Variants in CEP135 observed in about 807,000 individuals in gnomAD.
CEP135 encodes the protein centrosomal protein of 135 kDa.
Under a neutral mutation model 157.3 loss-of-function variants are expected in CEP135, and 142 were observed. That is an observed-to-expected ratio of 0.90 (90% confidence interval 0.79 to 1.04). The LOEUF (loss-of-function observed/expected upper bound fraction) is 1.04. Among genes scored for constraint, CEP135 ranks in the 50% least tolerant of loss-of-function variants. The probability of loss-of-function intolerance (pLI) is 0.00; values close to 1 mark genes in which losing one functional copy is unlikely to be tolerated. For synonymous variants in CEP135, 396 were observed against 439.8 expected (o/e 0.90, Z 1.25); for missense variants, 1,317 against 1,309.2 (o/e 1.01, Z -0.09).
intron 15 of CEP135, among the ~76,000 whole-genome samples, chr4:55,997,140 A>C (rs1231223610): frequency 1.3e-5 from 2 of 152,250 alleles, no homozygotes; most frequent in East Asian, 1.9e-4. Context: ...ATTATGAACA[A>C]CTAATAATGG....
intron 25 of CEP135, 71 bp downstream of exon 25, chr4:56,024,685 A>C: frequency 9.4e-7 from 1 of 1,067,948 alleles, no homozygotes; most frequent in Non-Finnish European, 1.4e-6. Flanking sequence ...AGTTTTCTGC[A>C]TCAGGAAAGG....
chr4:56,007,810 A>C (rs1730408124), intron 17 of CEP135, among the ~76,000 whole-genome samples: 1 of 152,070 alleles, frequency 6.6e-6, no homozygotes, highest in Non-Finnish European at 1.5e-5. Context: ...GAGGTTTTTT[A>C]CGTCTCTGTG....
intron 14 of CEP135, among the ~76,000 whole-genome samples, chr4:55,986,561 T>A (rs1413166606): frequency 6.6e-6 from 1 of 151,952 alleles, no homozygotes; most frequent in Non-Finnish European, 1.5e-5. Context: ...AAAAAAAAAA[T>A]TATACAGAGG....
intron 18 of CEP135, among the ~76,000 whole-genome samples, chr4:56,009,499 G>A (rs900069465): frequency 6.6e-6 from 1 of 152,056 alleles, no homozygotes; most frequent in Non-Finnish European, 1.5e-5. Flanking sequence ...AAAGTTTTCT[G>A]TGTTTACTTG....
chr4:55,969,158 A>G, intron 9 of CEP135, 30 bp downstream of exon 9: 2 of 1,599,336 alleles, frequency 1.3e-6, no homozygotes, highest in Non-Finnish European at 1.7e-6. Flanking sequence ...AATTGCCAGC[A>G]TTTTCAGTAA....
In CEP135 at chr4:55,971,287, G is replaced by C. The variant is rs761647013; in HGVS notation, c.1128G>C (p.Gln376His). Residue 376 changes from glutamine to histidine, a missense_variant, in exon 10 of 26, where the codon CAG (glutamine) becomes CAC (histidine). Gln to His is a conservative substitution (Grantham distance 24). Coordinates refer to ENST00000257287, the MANE Select transcript of CEP135 (RefSeq NM_025009.5). ...ATTTGCAGGAATTGAACTTATGCCA[G>C]AAAGAAAAGGAGAGACTGAGTGATG... is the stretch of plus-strand genomic sequence containing the variant. Reference protein sequence around the residue: ...AKLQLELNLCQKEKERLSDEL... With the variant: ...AKLQLELNLCHKEKERLSDEL... The C allele has an allele frequency of 2.5e-6, 4 of 1,582,774 alleles. No homozygotes were observed. In the South Asian group the frequency reaches 4.8e-5, roughly 19 times the overall value.
At position 55,959,650 on chromosome 4, in the gene CEP135, G is replaced by A. The variant is rs200179312; in HGVS notation, c.615-32G>A. The stretch of plus-strand genomic sequence containing the variant: ...TCTTATTTTGTATTTCTTAACAAAA[G>A]TGTATTGGCATTAATTTAAAGTGCT... On this transcript the variant is annotated intron_variant, in intron 5 of 25. Coordinates refer to ENST00000257287, the MANE Select transcript of CEP135 (RefSeq NM_025009.5). The A allele has an allele frequency of 1.6e-5, 24 of 1,541,062 alleles. No homozygotes were observed. In the East Asian group the frequency reaches 4.5e-4, roughly 29 times the overall value.
intron 6 of CEP135, among the ~76,000 whole-genome samples, chr4:55,962,272 T>C (rs555976694): frequency 6.6e-6 from 1 of 152,266 alleles, no homozygotes; most frequent in South Asian, 2.1e-4. Context: ...GCTAATTGTT[T>C]GTATTTTTTA....
Position 55,965,855 on chromosome 4 carries a change from C to T in CEP135, c.1040C>T (p.Ala347Val). ...ACTGCTGATAAAGAGCTTGGGGAAGCAAAGGTAATGAATGATATGTGTAGA... is the reference window on the plus strand; with the variant it reads ...ACTGCTGATAAAGAGCTTGGGGAAGTAAAGGTAATGAATGATATGTGTAGA... ...LETADKELGE[A>V]KKEIKRKLSE... Residue 347 changes from alanine (A) to valine (V), a missense_variant, in exon 8 of 26, where the codon GCA becomes GTA. Transcript: ENST00000257287. 6.2e-7 allele frequency: 1 copy of T among 1,610,360 alleles called. No homozygotes were observed. Among genetic ancestry groups the T allele is most frequent in the Non-Finnish European group, 8.5e-7 (1 of 1,177,246 alleles).
intron 14 of CEP135, among the ~76,000 whole-genome samples, chr4:55,987,029 C>G (rs1299093000): frequency 6.6e-6 from 1 of 152,114 alleles, no homozygotes; most frequent in Admixed American, 6.5e-5. Context: ...GAGGTTTGTT[C>G]TGGGATGCAG....
intron 13 of CEP135, among the ~76,000 whole-genome samples, chr4:55,982,984 G>T (rs906985268): frequency 2.8e-4 from 43 of 152,060 alleles, no homozygotes; most frequent in African/African-American, 1.0e-3. Flanking sequence ...TTAATGCTTT[G>T]AAAGTAGCAG....
chr4:55,970,429 G>A (rs1438282871), intron 9 of CEP135, among the ~76,000 whole-genome samples: 3 of 152,192 alleles, frequency 2.0e-5, no homozygotes, highest in Non-Finnish European at 4.4e-5. Context: ...TTTTCTCTAA[G>A]ATTGGAAATA....
intron 5 of CEP135, 73 bp downstream of exon 5, chr4:55,957,437 G>C: frequency 6.9e-7 from 1 of 1,447,160 alleles, no homozygotes; most frequent in Non-Finnish European, 9.4e-7. Context: ...TGATAGGAGG[G>C]CTTTTTTTCT....
At chr4:55,967,065 T>C (rs1174318414) in intron 8 of CEP135, among the ~76,000 whole-genome samples, 1 of 151,996 alleles carries the variant, frequency 6.6e-6, no homozygotes, top group Non-Finnish European at 1.5e-5. Flanking sequence ...CTATCATACA[T>C]CTGTACAATA....
chr4:55,953,693 A>G (rs185348331), intron 3 of CEP135, among the ~76,000 whole-genome samples: 10 of 152,292 alleles, frequency 6.6e-5, no homozygotes, highest in African/African-American at 2.4e-4. Flanking sequence ...GCCATAGGGA[A>G]TATTAAATGC....
chr4:56,005,149 A>G (rs1730311650), intron 17 of CEP135, among the ~76,000 whole-genome samples: 1 of 152,188 alleles, frequency 6.6e-6, no homozygotes, highest in South Asian at 2.1e-4. Flanking sequence ...CACACACACA[A>G]TAAAAACAAA....
At chr4:56,020,655 A>AT (rs1214449267) in intron 23 of CEP135, 21 bp from the exon 24 acceptor site, 1 of 1,603,252 alleles carries the variant, frequency 6.2e-7, no homozygotes, top group South Asian at 1.1e-5. Context: ...TTATTTCTTG[A>AT]TTTTTTAATT....
intron 10 of CEP135, 96 bp from the exon 11 acceptor site, chr4:55,974,650 G>T: frequency 1.2e-6 from 1 of 855,000 alleles, no homozygotes; most frequent in Non-Finnish European, 1.8e-6. Context: ...ATGATTTCTA[G>T]TAGCTTTCAT....
At chr4:55,968,714 G>A (rs1728921346) in intron 8 of CEP135, among the ~76,000 whole-genome samples, 1 of 152,114 alleles carries the variant, frequency 6.6e-6, no homozygotes, top group Non-Finnish European at 1.5e-5. Context: ...AGTATAGAGA[G>A]GATCCAGGTT....
Sources: allele counts gnomAD v4.1 joint callset (sites outside exome capture counted in the v4.1 genomes callset), GRCh38; gene constraint gnomAD v4.1.1; transcripts MANE v1.5; gene names NCBI Gene and HGNC (gene_info 2026-07-23, HGNC 2026-07-21).